ADAM29: variants seen among roughly 807,000 people sequenced by gnomAD.
ADAM29 encodes the protein ADAM metallopeptidase domain 29, also known as disintegrin and metalloproteinase domain-containing protein 29.
For synonymous variants in ADAM29, 367 were observed against 342.3 expected (o/e 1.07, Z -0.80); for missense variants, 969 against 1,001.8 (o/e 0.97, Z 0.44).
intron 4 of ADAM29, among the ~76,000 whole-genome samples, chr4:174,940,446 A>T (rs1408916633): frequency 6.6e-6 from 1 of 152,172 alleles, no homozygotes; most frequent in African/African-American, 2.4e-5. Flanking sequence ...CCCTAATGTT[A>T]TAATTAAAAC....
Position 174,976,153 on chromosome 4 carries a change from C to G in ADAM29, c.628C>G (p.Leu210Val), listed in dbSNP as rs769264229. 7 of 1,613,404 alleles carry G rather than the reference C, an allele frequency of 4.3e-6. No homozygotes were observed. In the African/African-American group the frequency reaches 6.7e-5, roughly 15 times the overall value. Residue 210 changes from leucine (L) to valine (V), a missense_variant, in exon 5 of 5, where the codon CTG becomes GTG. Transcript: ENST00000359240. ...VEIVVVIDNY[L>V]YIRYERNDSK... ...AATTGTAGTCGTCATTGATAATTATCTGTACATTCGTTATGAAAGGAACGA... is the reference window on the plus strand; with the variant it reads ...AATTGTAGTCGTCATTGATAATTATGTGTACATTCGTTATGAAAGGAACGA...
chr4:174,926,321 A>G (rs990484539), intron 2 of ADAM29, among the ~76,000 whole-genome samples: 1 of 152,168 alleles, frequency 6.6e-6, no homozygotes, highest in East Asian at 1.9e-4. Flanking sequence ...ACACAAGTTT[A>G]CTTAGCCTAA....
At chr4:174,947,149 G>T (rs1744900605) in intron 4 of ADAM29, among the ~76,000 whole-genome samples, 1 of 151,346 alleles carries the variant, frequency 6.6e-6, no homozygotes, top group Non-Finnish European at 1.5e-5. Context: ...TCTTTTATTA[G>T]TCTATCTAGC....
At chr4:174,967,146 T>C (rs1254453857) in intron 4 of ADAM29, among the ~76,000 whole-genome samples, 1 of 152,196 alleles carries the variant, frequency 6.6e-6, no homozygotes, top group Non-Finnish European at 1.5e-5. Context: ...CATTTTTGAG[T>C]TTGTTTTAAA....
intron 4 of ADAM29, among the ~76,000 whole-genome samples, chr4:174,964,595 T>C (rs1746045898): frequency 6.6e-6 from 1 of 152,116 alleles, no homozygotes. Context: ...TCTATTTTAC[T>C]AAAAATATTT....
intron 4 of ADAM29, among the ~76,000 whole-genome samples, chr4:174,942,979 C>A (rs1579033952): frequency 6.6e-6 from 1 of 152,278 alleles, no homozygotes; most frequent in East Asian, 1.9e-4. Flanking sequence ...TTAGAAATTT[C>A]TTCTGTCAGA....
At chr4:174,962,491 GA>G (rs1053980708) in intron 4 of ADAM29, among the ~76,000 whole-genome samples, 98 of 145,056 alleles carry the variant, frequency 6.8e-4, no homozygotes, top group Non-Finnish European at 1.1e-3. Flanking sequence ...CAGCCTGGGC[GA>G]CAGAGCGAGA....
intron 2 of ADAM29, among the ~76,000 whole-genome samples, chr4:174,923,525 GTATATATATATATATAT>G (rs1743296987): frequency 1.6e-4 from 15 of 96,692 alleles, no homozygotes; most frequent in African/African-American, 5.7e-4. Context: ...TGCATTATAT[GTATATATATATATATAT>G]ATATATATAT....
intron 3 of ADAM29, among the ~76,000 whole-genome samples, chr4:174,933,272 C>A (rs529679243): frequency 3.8e-4 from 58 of 152,188 alleles, no homozygotes; most frequent in Middle Eastern, 3.4e-3. Context: ...GGTCATACAA[C>A]CTCTTAGAAA....
chr4:174,930,418 C>G (rs1743796015), intron 2 of ADAM29, among the ~76,000 whole-genome samples: 1 of 152,048 alleles, frequency 6.6e-6, no homozygotes, highest in Non-Finnish European at 1.5e-5. Flanking sequence ...GTGAAAAAGG[C>G]CCTAGCACCT....
At chr4:174,966,206 T>C (rs554753388) in intron 4 of ADAM29, among the ~76,000 whole-genome samples, 3 of 152,298 alleles carry the variant, frequency 2.0e-5, no homozygotes, top group African/African-American at 7.2e-5. Flanking sequence ...TCAGTACAGA[T>C]GCAATTTTTT....
chr4:174,940,401 T>C (rs1417138922), intron 4 of ADAM29, among the ~76,000 whole-genome samples: 4 of 152,164 alleles, frequency 2.6e-5, no homozygotes, highest in Non-Finnish European at 5.9e-5. Context: ...TATTAAAACT[T>C]GAGGGTTAAC....
chr4:174,965,500 T>TATCTATC (rs1746099901), intron 4 of ADAM29, among the ~76,000 whole-genome samples: 1 of 151,574 alleles, frequency 6.6e-6, no homozygotes, highest in Non-Finnish European at 1.5e-5. Context: ...TCTATCTATC[T>TATCTATC]ATCTATCTAT....
chr4:174,962,753 TTA>T (rs1276572100), intron 4 of ADAM29, among the ~76,000 whole-genome samples: 1 of 152,116 alleles, frequency 6.6e-6, no homozygotes, highest in Non-Finnish European at 1.5e-5. Context: ...ACATACAGTT[TTA>T]TATGTCAATG....
rs140579543 is a variant in ADAM29, at chr4:174,977,259, C to T, written c.1734C>T (p.Asp578=). The T allele has an allele frequency of 2.3e-4, 372 of 1,613,806 alleles. No individual in the cohort carries two copies. The highest frequency in any genetic ancestry group is 2.8e-4 in the Non-Finnish European group (335 of 1,179,984). ...CTGTGCATTGGGCTCGCTTCAATGA[C>T]ATAATGTGCTGGAGTACTGATTACC... ...HTTVHWARFN[D]IMCWSTDYHL... is the part of the protein sequence containing the mutation. Residue 578 remains aspartate, a synonymous_variant, in exon 5 of 5, where the codon GAC becomes GAT. Coordinates refer to ENST00000359240, the MANE Select transcript of ADAM29 (RefSeq NM_014269.4).
chr4:174,942,041 G>T (rs184919802), intron 4 of ADAM29, among the ~76,000 whole-genome samples: 89 of 152,278 alleles, frequency 5.8e-4, no homozygotes, highest in African/African-American at 2.1e-3. Flanking sequence ...TTAAACCTTT[G>T]AAATGATCTC....
intron 4 of ADAM29, among the ~76,000 whole-genome samples, chr4:174,955,033 C>T (rs1235892969): frequency 2.0e-5 from 3 of 151,854 alleles, no homozygotes; most frequent in Non-Finnish European, 4.4e-5. Flanking sequence ...AAAAAATAAA[C>T]AGCAGCAAAT....
In ADAM29 at chr4:174,978,159, A is replaced by T; in HGVS notation, c.*171A>T. On this transcript the variant is annotated 3_prime_UTR_variant, in exon 5 of 5. Transcript: ENST00000359240. ...CAAAAACTGTATCCAGAAAAGGTAC[A>T]TTAAAAAAATAATTCCTAGTATGTT... 1 of 1,075,026 alleles carries T rather than the reference A, an allele frequency of 9.3e-7. No individual in the cohort carries two copies. Among genetic ancestry groups the T allele is most frequent in the Non-Finnish European group, 1.3e-6 (1 of 741,568 alleles). 66.6% of individuals were successfully genotyped at this position (1,075,026 alleles called of 1,614,324 possible). A position where few individuals can be genotyped will look rare whatever the true frequency, so the allele number is the denominator to read the frequency against.
Position 174,976,100 on chromosome 4 carries a change from G to T in ADAM29, c.575G>T (p.Gly192Val), listed in dbSNP as rs755012171. 5 of 1,612,516 alleles carry T rather than the reference G, an allele frequency of 3.1e-6. No homozygotes were observed. Among genetic ancestry groups the T allele is most frequent in the South Asian group, 1.1e-5 (1 of 90,838 alleles). The change falls in exon 5 of 5, where the codon GGC becomes GTC. Residue 192 changes from glycine to valine, a missense_variant. Transcript: ENST00000359240. ...ACTCAGAAGCAAAGTTCTTATGTGG[G>T]CTGGTGGATCCATTTTAGGATTGTT... ...NSTQKQSSYV[G>V]WWIHFRIVEI...
Sources: gnomAD v4.1 joint callset for allele counts (sites outside exome capture counted in the v4.1 genomes callset) on GRCh38, gnomAD v4.1.1 for gene constraint, MANE v1.5 for transcripts, NCBI Gene and HGNC (gene_info 2026-07-23, HGNC 2026-07-21) for gene names.